The following SGCZ variants were observed in gnomAD, a reference collection of about 807,000 sequenced individuals.
The protein encoded by SGCZ is zeta-sarcoglycan.
A neutral mutation model predicts 41.3 loss-of-function variants in SGCZ; 40 were observed. The observed-to-expected ratio is 0.97, with a 90% CI of 0.75 to 1.26. The LOEUF (loss-of-function observed/expected upper bound fraction) is 1.26, where lower values mean the gene tolerates loss of function less well. Ranked by LOEUF, SGCZ falls within the 50% of genes most tolerant of loss-of-function variation. The pLI, the probability that SGCZ is intolerant of heterozygous loss-of-function variation, is 0.00. For synonymous variants in SGCZ, 206 were observed against 137.5 expected, an observed-to-expected ratio of 1.50 and a Z score of -3.49; for missense variants, 552 against 369.8, an observed-to-expected ratio of 1.49 and a Z score of -4.04.
intron 1 of SGCZ, among the ~76,000 whole-genome samples, chr8:15,221,564 T>G (rs1585688938): frequency 6.6e-6 from 1 of 152,026 alleles, no homozygotes; most frequent in South Asian, 2.1e-4. Flanking sequence ...CCAGCAGGGG[T>G]GACACTGCCT....
chr8:14,890,114 G>A (rs1480765467), intron 1 of SGCZ, among the ~76,000 whole-genome samples: 1 of 152,030 alleles, frequency 6.6e-6, no homozygotes, highest in Admixed American at 6.6e-5. Context: ...CTACTCGGGA[G>A]GCTGAGGCAG....
intron 4 of SGCZ, among the ~76,000 whole-genome samples, chr8:14,208,211 A>G (rs191913785): frequency 5.3e-4 from 81 of 152,334 alleles, no homozygotes; most frequent in African/African-American, 1.9e-3. Context: ...TTTGGATGCT[A>G]AAGTTCCATG....
At chr8:15,036,544 C>T (rs910747861) in intron 1 of SGCZ, among the ~76,000 whole-genome samples, 4 of 151,970 alleles carry the variant, frequency 2.6e-5, no homozygotes, top group South Asian at 2.1e-4. Flanking sequence ...ATGTCCTACA[C>T]GTGTACCCCG....
chr8:14,527,714 A>T (rs1802997152), intron 2 of SGCZ, among the ~76,000 whole-genome samples: 1 of 152,098 alleles, frequency 6.6e-6, no homozygotes. Flanking sequence ...GTAACATGTA[A>T]GTACTCAATA....
At chr8:14,392,499 T>C (rs758456463) in intron 2 of SGCZ, among the ~76,000 whole-genome samples, 7 of 152,158 alleles carry the variant, frequency 4.6e-5, no homozygotes, top group Non-Finnish European at 7.3e-5. Flanking sequence ...ATGTGGAAAA[T>C]TGGAATGCCC....
intron 1 of SGCZ, among the ~76,000 whole-genome samples, chr8:15,217,118 AGAGTT>A (rs200294797): frequency 0.015 from 2,313 of 152,208 alleles, 28 homozygotes; most frequent in Middle Eastern, 0.024. Flanking sequence ...CCCACAGAGT[AGAGTT>A]AAGAATTGAA....
rs530192540 is a variant in SGCZ, at chr8:14,451,604, C to T, written c.234+103128G>A. 5.3e-5 allele frequency among the ~76,000 whole-genome samples: 8 copies of T among 152,210 alleles called. 1 individual carries two copies. The South Asian group carries it at 1.7e-3, about 32-fold the overall frequency. The stretch of plus-strand genomic sequence containing the variant: ...TGCAAAAGACAGATCTGATAAAGGA[C>T]TGCTATTCAAAATATACGACAAACT... On this transcript the variant is annotated intron_variant, in intron 2 of 7. Coordinates refer to ENST00000382080, the MANE Select transcript of SGCZ (RefSeq NM_139167.4).
intron 2 of SGCZ, among the ~76,000 whole-genome samples, chr8:14,442,593 C>A (rs1424671623): frequency 6.6e-6 from 1 of 152,112 alleles, no homozygotes; most frequent in East Asian, 1.9e-4. Flanking sequence ...CAATATGTAA[C>A]AAAGTTTTGT....
intron 1 of SGCZ, among the ~76,000 whole-genome samples, chr8:14,922,365 C>T (rs531174597): frequency 3.3e-5 from 5 of 152,104 alleles, no homozygotes; most frequent in South Asian, 4.2e-4. Flanking sequence ...GATGTGCTTA[C>T]AGAAAAAAAT....
chr8:14,209,661 ATATCCTTT>A (rs1202817587), intron 4 of SGCZ, among the ~76,000 whole-genome samples: 1 of 152,194 alleles, frequency 6.6e-6, no homozygotes, highest in Non-Finnish European at 1.5e-5. Flanking sequence ...ATTCAATATA[ATATCCTTT>A]TTATTAGCTA....
At chr8:14,801,610 C>A (rs745342429) in intron 1 of SGCZ, among the ~76,000 whole-genome samples, 1 of 151,988 alleles carries the variant, frequency 6.6e-6, no homozygotes, top group East Asian at 1.9e-4. Context: ...CAGGGAAACA[C>A]CATATAGAAT....
intron 1 of SGCZ, among the ~76,000 whole-genome samples, chr8:14,824,124 T>C (rs748776911): frequency 1.1e-4 from 16 of 151,386 alleles, no homozygotes; most frequent in African/African-American, 3.9e-4. Context: ...TGAGAAAAGG[T>C]TTTTCGAGAG....
chr8:14,740,622 C>T (rs1390967634), intron 1 of SGCZ, among the ~76,000 whole-genome samples: 2 of 152,020 alleles, frequency 1.3e-5, no homozygotes, highest in Non-Finnish European at 2.9e-5. Context: ...AACTCAGTTT[C>T]CTGAGGTGCC....
intron 1 of SGCZ, among the ~76,000 whole-genome samples, chr8:14,786,357 T>C (rs1246322479): frequency 6.6e-6 from 1 of 152,142 alleles, no homozygotes; most frequent in Non-Finnish European, 1.5e-5. Context: ...TAGTATGTCC[T>C]GTATAATGAG....
intron 1 of SGCZ, among the ~76,000 whole-genome samples, chr8:14,732,931 T>C (rs1165045648): frequency 4.2e-5 from 3 of 71,676 alleles, no homozygotes; most frequent in African/African-American, 1.3e-4. Flanking sequence ...AAGTATTACC[T>C]ACAAAATAAG....
At chr8:15,048,564 T>G (rs1189498144) in intron 1 of SGCZ, among the ~76,000 whole-genome samples, 1 of 152,120 alleles carries the variant, frequency 6.6e-6, no homozygotes, top group Non-Finnish European at 1.5e-5. Flanking sequence ...TTACACATTG[T>G]GTACATGTAT....
intron 6 of SGCZ, among the ~76,000 whole-genome samples, chr8:14,106,860 G>GTAAT (rs1802218356): frequency 6.6e-6 from 1 of 152,152 alleles, no homozygotes; most frequent in Admixed American, 6.5e-5. Context: ...ATTTCAGAAT[G>GTAAT]TAATTTAGCT....
chr8:14,230,129 A>T (rs1203404676), intron 4 of SGCZ, among the ~76,000 whole-genome samples: 1 of 152,106 alleles, frequency 6.6e-6, no homozygotes, highest in Non-Finnish European at 1.5e-5. Flanking sequence ...ATAATTGAAT[A>T]TTGAGGAACG....
At chr8:14,406,427 C>G (rs928032334) in intron 2 of SGCZ, among the ~76,000 whole-genome samples, 2 of 152,092 alleles carry the variant, frequency 1.3e-5, no homozygotes, top group African/African-American at 4.8e-5. Context: ...ATGTAAATTT[C>G]GTGAGAAGGG....
Sources: allele counts gnomAD v4.1 joint callset (sites outside exome capture counted in the v4.1 genomes callset), GRCh38; gene constraint gnomAD v4.1.1; transcripts MANE v1.5; gene names NCBI Gene and HGNC (gene_info 2026-07-23, HGNC 2026-07-21).